The following PALS1 variants were observed in gnomAD, a reference collection of about 807,000 sequenced individuals.
The protein encoded by PALS1 is protein associated with LIN7 1, MAGUK p55 family member, also known as protein PALS1.
PALS1 carries 31 observed loss-of-function variants against 78.9 expected under a neutral mutation model. The ratio of observed to expected loss-of-function variants is 0.39; its 90% CI spans 0.30 to 0.53. PALS1 has a LOEUF of 0.53. PALS1 is among the 20% of genes least tolerant of loss of function. PALS1 has a pLI of 0.67. For missense variants in PALS1, 704 were observed against 826.5 expected (o/e 0.85, Z 1.82); for synonymous variants, 276 against 270.9 (o/e 1.02, Z -0.18).
In PALS1 at chr14:67,321,712, C is replaced by A. The variant is rs1377193467; in HGVS notation, c.1740+453C>A. ...TTTGACTATGACCCGTCACATGAGG[C>A]CAGGGTAACGTTTTCCACTTGTGCT... is the stretch of plus-strand genomic sequence containing the variant. On this transcript the variant is annotated intron_variant, in intron 13 of 14. Transcript: ENST00000261681. Among the ~76,000 whole-genome samples the A allele has an allele frequency of 2.6e-5, 4 of 152,100 alleles. No homozygotes were observed. The East Asian group carries it at 7.7e-4, about 29-fold the overall frequency.
At chr14:67,313,568 C>T (rs1172314743) in intron 9 of PALS1, among the ~76,000 whole-genome samples, 1 of 152,054 alleles carries the variant, frequency 6.6e-6, no homozygotes, top group Non-Finnish European at 1.5e-5. Flanking sequence ...GAGAGCAGAA[C>T]TAAGGGAAGT....
chr14:67,327,527 A>T (rs1210644282), intron 14 of PALS1, among the ~76,000 whole-genome samples: 2 of 151,776 alleles, frequency 1.3e-5, no homozygotes, highest in African/African-American at 4.8e-5. Flanking sequence ...TCTAGGGTAC[A>T]TGTGCACAAC....
intron 14 of PALS1, among the ~76,000 whole-genome samples, chr14:67,327,375 G>A (rs116296578): frequency 0.016 from 2,466 of 151,578 alleles, 70 homozygotes; most frequent in African/African-American, 0.056. Context: ...TATAAAAGGC[G>A]GGGTACAGTG....
intron 2 of PALS1, among the ~76,000 whole-genome samples, chr14:67,275,204 G>C (rs75830672): frequency 0.31 from 47,423 of 151,994 alleles, 11,334 homozygotes; most frequent in African/African-American, 0.64. Flanking sequence ...TGGCAGTTTT[G>C]AAAGAGAATG....
At chr14:67,329,441 C>T (rs1029694513) in intron 14 of PALS1, among the ~76,000 whole-genome samples, 3 of 152,146 alleles carry the variant, frequency 2.0e-5, no homozygotes, top group Admixed American at 6.6e-5. Flanking sequence ...AATTCGACTT[C>T]CTCTTTTCCT....
At chr14:67,251,634 T>C (rs967150265) in intron 1 of PALS1, among the ~76,000 whole-genome samples, 19 of 152,238 alleles carry the variant, frequency 1.2e-4, no homozygotes, top group African/African-American at 4.6e-4. Context: ...TCTTTTTGTC[T>C]TAGTATGTCA....
At chr14:67,299,962 T>C (rs769818200) in intron 4 of PALS1, among the ~76,000 whole-genome samples, 3 of 152,186 alleles carry the variant, frequency 2.0e-5, no homozygotes, top group Non-Finnish European at 2.9e-5. Flanking sequence ...AATGTAGACT[T>C]AATAAACTTT....
chr14:67,291,582 C>G (rs1442867726), intron 3 of PALS1, among the ~76,000 whole-genome samples: 3 of 152,184 alleles, frequency 2.0e-5, no homozygotes, highest in East Asian at 3.8e-4. Flanking sequence ...TGCGCCCAGC[C>G]TACCAGTGCT....
At chr14:67,330,455 A>ATTTTTTTT (rs533831095) in intron 14 of PALS1, among the ~76,000 whole-genome samples, 1 of 117,808 alleles carries the variant, frequency 8.5e-6, no homozygotes. Flanking sequence ...ATTTCCCTTC[A>ATTTTTTTT]TTTTTTTTTT....
chr14:67,311,175 G>A (rs551443937), intron 8 of PALS1, among the ~76,000 whole-genome samples: 42 of 152,232 alleles, frequency 2.8e-4, no homozygotes, highest in African/African-American at 7.9e-4. Context: ...GCTGGGCGTT[G>A]TGGTGAGTGC....
intron 1 of PALS1, among the ~76,000 whole-genome samples, chr14:67,247,911 G>C (rs1487990640): frequency 6.6e-6 from 1 of 152,132 alleles, no homozygotes; most frequent in Non-Finnish European, 1.5e-5. Flanking sequence ...AAAGTATTCA[G>C]TCTTTCACTT....
In PALS1 at chr14:67,279,194, G is replaced by A. The variant is rs1481931448; in HGVS notation, c.24G>A (p.Gly8=). ...CCATGACAACATCCCATATGAATGG[G>A]CATGTTACAGAGGAATCAGACAGCG... MTTSHMN[G]HVTEESDSEV... is the part of the protein sequence containing the mutation. The change falls in exon 3 of 15, where the codon GGG becomes GGA. Residue 8 remains glycine (G), a synonymous_variant. Coordinates refer to ENST00000261681, the MANE Select transcript of PALS1 (RefSeq NM_022474.4). 3 of 1,604,198 alleles carry A rather than the reference G, an allele frequency of 1.9e-6. No homozygotes were observed. The Admixed American group carries it at 5.2e-5, about 28-fold the overall frequency.
intron 1 of PALS1, among the ~76,000 whole-genome samples, chr14:67,242,930 A>G (rs553191715): frequency 6.6e-6 from 1 of 152,324 alleles, no homozygotes; most frequent in Admixed American, 6.5e-5. Flanking sequence ...GGGTGACCCA[A>G]GTCAGTACAG....
chr14:67,256,873 T>A (rs959173304), intron 1 of PALS1, among the ~76,000 whole-genome samples: 1 of 151,782 alleles, frequency 6.6e-6, no homozygotes, highest in Non-Finnish European at 1.5e-5. Flanking sequence ...ATTAAAAAAA[T>A]ATTGATTCTT....
intron 9 of PALS1, among the ~76,000 whole-genome samples, chr14:67,316,318 A>G (rs2085174763): frequency 6.6e-6 from 1 of 152,186 alleles, no homozygotes. Flanking sequence ...GGTGGAAATA[A>G]AAAATGGCTA....
intron 1 of PALS1, among the ~76,000 whole-genome samples, chr14:67,255,117 C>A (rs2084126073): frequency 6.6e-6 from 1 of 152,042 alleles, no homozygotes; most frequent in East Asian, 1.9e-4. Flanking sequence ...CCACTGCACT[C>A]CAGCCTGGCA....
At chr14:67,255,711 C>G (rs1161149475) in intron 1 of PALS1, among the ~76,000 whole-genome samples, 1 of 152,160 alleles carries the variant, frequency 6.6e-6, no homozygotes, top group Non-Finnish European at 1.5e-5. Context: ...GATGGAGTCT[C>G]GCTCTGTTGC....
At chr14:67,286,499 T>G (rs2084689902) in intron 3 of PALS1, among the ~76,000 whole-genome samples, 1 of 152,194 alleles carries the variant, frequency 6.6e-6, no homozygotes. Context: ...CTTAGGTGGA[T>G]TTTTGTTTAA....
chr14:67,249,213 C>T (rs933941050), intron 1 of PALS1, among the ~76,000 whole-genome samples: 2 of 150,852 alleles, frequency 1.3e-5, no homozygotes, highest in South Asian at 2.1e-4. Flanking sequence ...TTGCACGTCT[C>T]GGCCTCCCAA....
Sources: allele counts gnomAD v4.1 joint callset (sites outside exome capture counted in the v4.1 genomes callset), GRCh38; gene constraint gnomAD v4.1.1; transcripts MANE v1.5; gene names NCBI Gene and HGNC (gene_info 2026-07-23, HGNC 2026-07-21).